LRRTM4: variants seen among roughly 807,000 people sequenced by gnomAD.
LRRTM4 encodes leucine-rich repeat transmembrane neuronal protein 4.
In LRRTM4, 25 loss-of-function variants were observed where a neutral mutation model predicts 47.6. That is an observed-to-expected ratio of 0.53 (90% CI 0.38 to 0.73). The LOEUF (loss-of-function observed/expected upper bound fraction) is 0.73, where lower values mean the gene tolerates loss of function less well. Among genes scored for constraint, LRRTM4 ranks in the 30% least tolerant of loss-of-function variants. The probability of loss-of-function intolerance (pLI) is 0.00; values close to 1 mark genes in which losing one functional copy is unlikely to be tolerated. For synonymous variants in LRRTM4, 311 were observed against 269.5 expected (o/e 1.15, Z -1.51); for missense variants, 638 against 713.4 (o/e 0.89, Z 1.20).
Position 76,748,741 on chromosome 2 carries a change from G to A in LRRTM4, c.1727C>T (p.Ala576Val). 9.3e-6 allele frequency: 15 copies of A among 1,613,894 alleles called. No homozygotes were observed. The highest frequency in any genetic ancestry group is 1.3e-5 in the Non-Finnish European group (15 of 1,179,892). ...GRDHSFIATI[A>V]RSAAPAIYLE... ...GTAGATGGCCGGTGCTGCCGACCTG[G>A]CGATGGTGGCGATGAAGCTGTGGTC... The change falls in exon 4 of 4, where the codon GCC (alanine) becomes GTC (valine). Residue 576 changes from alanine (A) to valine (V), a missense_variant. By Grantham distance (64) the Ala-to-Val change is moderately conservative. Coordinates refer to ENST00000409884, the MANE Select transcript of LRRTM4 (RefSeq NM_001134745.3).
intron 3 of LRRTM4, among the ~76,000 whole-genome samples, chr2:76,983,431 T>C (rs12713886): frequency 0.29 from 44,001 of 151,800 alleles, 6,593 homozygotes; most frequent in East Asian, 0.41. Context: ...CTCATGGTAG[T>C]GAATAAGTCT....
At chr2:77,312,973 G>A (rs972855479) in intron 3 of LRRTM4, among the ~76,000 whole-genome samples, 10 of 152,172 alleles carry the variant, frequency 6.6e-5, no homozygotes, top group African/African-American at 2.2e-4. Context: ...AAGAGTTAGA[G>A]TAAATAAAGT....
rs4853289 is a variant in LRRTM4, at chr2:77,005,648, G to C, written c.1552-256732C>G. On this transcript the variant is annotated intron_variant, in intron 3 of 3. Coordinates refer to ENST00000409884, the MANE Select transcript of LRRTM4 (RefSeq NM_001134745.3). The stretch of plus-strand genomic sequence containing the variant: ...ATGATAATGAATCTGTCTCATAAGA[G>C]CTGATGGTTTTATAAAGGGAGTTCC... Among the ~76,000 whole-genome samples, 669 of 152,024 alleles carry C rather than the reference G, an allele frequency of 4.4e-3. 5 individuals are homozygous for C. Among genetic ancestry groups the C allele is most frequent in the African/African-American group, 0.014 (598 of 41,482 alleles).
At chr2:77,407,929 C>G (rs1674277503) in intron 3 of LRRTM4, among the ~76,000 whole-genome samples, 1 of 151,286 alleles carries the variant, frequency 6.6e-6, no homozygotes, top group Non-Finnish European at 1.5e-5. Context: ...AACCTGGCAA[C>G]AGAGGAAACA....
intron 3 of LRRTM4, among the ~76,000 whole-genome samples, chr2:77,432,468 AATATAT>A (rs1675421532): frequency 6.6e-6 from 1 of 152,238 alleles, no homozygotes; most frequent in African/African-American, 2.4e-5. Context: ...ATATCCTTTA[AATATAT>A]ATTGTTTATT....
chr2:76,795,323 T>C (rs1272097351), intron 3 of LRRTM4, among the ~76,000 whole-genome samples: 2 of 152,194 alleles, frequency 1.3e-5, no homozygotes, highest in African/African-American at 4.8e-5. Flanking sequence ...ATATATGTAG[T>C]TCATCTTTCA....
At chr2:77,371,638 C>G (rs1022030387) in intron 3 of LRRTM4, among the ~76,000 whole-genome samples, 6 of 151,532 alleles carry the variant, frequency 4.0e-5, no homozygotes, top group Non-Finnish European at 8.8e-5. Flanking sequence ...CCATGCTTTA[C>G]TCCGGTTTTT....
intron 3 of LRRTM4, among the ~76,000 whole-genome samples, chr2:77,237,416 T>A (rs1422633616): frequency 2.0e-5 from 3 of 152,052 alleles, no homozygotes; most frequent in African/African-American, 7.2e-5. Context: ...CATTTCTGAT[T>A]GTGCTTATTT....
At chr2:76,945,170 AAT>A (rs1391468400) in intron 3 of LRRTM4, among the ~76,000 whole-genome samples, 2 of 152,230 alleles carry the variant, frequency 1.3e-5, no homozygotes, top group Non-Finnish European at 1.5e-5. Flanking sequence ...GTAATTATTT[AAT>A]AGTTTTCCTT....
intron 3 of LRRTM4, among the ~76,000 whole-genome samples, chr2:76,833,049 G>C (rs1464028461): frequency 6.6e-6 from 1 of 152,060 alleles, no homozygotes; most frequent in Admixed American, 6.6e-5. Context: ...ATGTTGAATT[G>C]TTTAAAGCTT....
intron 3 of LRRTM4, among the ~76,000 whole-genome samples, chr2:77,430,495 G>A (rs561318547): frequency 4.5e-4 from 69 of 152,220 alleles, no homozygotes; most frequent in African/African-American, 1.6e-3. Flanking sequence ...GCCGAGGCGG[G>A]AGGATCACCT....
intron 3 of LRRTM4, among the ~76,000 whole-genome samples, chr2:77,291,462 C>T (rs1002577973): frequency 6.6e-6 from 1 of 152,004 alleles, no homozygotes; most frequent in African/African-American, 2.4e-5. Context: ...GCCATGAATT[C>T]GTTTGCATGT....
At chr2:77,478,063 A>G (rs906523537) in intron 3 of LRRTM4, among the ~76,000 whole-genome samples, 6 of 152,098 alleles carry the variant, frequency 3.9e-5, no homozygotes, top group Non-Finnish European at 8.8e-5. Flanking sequence ...CTTCAAGGCT[A>G]CATATATTCT....
At chr2:77,352,010 C>A (rs1671800543) in intron 3 of LRRTM4, among the ~76,000 whole-genome samples, 1 of 151,976 alleles carries the variant, frequency 6.6e-6, no homozygotes, top group Non-Finnish European at 1.5e-5. Flanking sequence ...AAATATGTGA[C>A]AGTGTAAATT....
At chr2:77,351,076 C>G (rs777134474) in intron 3 of LRRTM4, among the ~76,000 whole-genome samples, 1 of 152,048 alleles carries the variant, frequency 6.6e-6, no homozygotes, top group Non-Finnish European at 1.5e-5. Flanking sequence ...CCTCCCACCC[C>G]GTATGCTCAT....
At chr2:77,083,670 T>A (rs1354170675) in intron 3 of LRRTM4, among the ~76,000 whole-genome samples, 1 of 151,818 alleles carries the variant, frequency 6.6e-6, no homozygotes, top group Non-Finnish European at 1.5e-5. Context: ...TTAGTAAAGA[T>A]CAATTATTCT....
intron 3 of LRRTM4, among the ~76,000 whole-genome samples, chr2:77,083,795 T>TG (rs1558569786): frequency 6.6e-5 from 4 of 60,152 alleles, no homozygotes; most frequent in Non-Finnish European, 1.2e-4. Context: ...TTTTTTTTTT[T>TG]TTTTTTTTTT....
At chr2:77,411,591 A>T (rs111305585) in intron 3 of LRRTM4, among the ~76,000 whole-genome samples, 1,854 of 145,428 alleles carry the variant, frequency 0.013, 43 homozygotes, top group African/African-American at 0.044. Flanking sequence ...TAGCTGAGAC[A>T]ACAGGCCCCC....
intron 3 of LRRTM4, among the ~76,000 whole-genome samples, chr2:77,364,436 T>C (rs1467258622): frequency 6.6e-6 from 1 of 152,114 alleles, no homozygotes; most frequent in Non-Finnish European, 1.5e-5. Context: ...AGCAGAGGAC[T>C]AAATGCTCAC....
Sources: allele counts gnomAD v4.1 joint callset (sites outside exome capture counted in the v4.1 genomes callset), GRCh38; gene constraint gnomAD v4.1.1; transcripts MANE v1.5; gene names NCBI Gene and HGNC (gene_info 2026-07-23, HGNC 2026-07-21).